Variants in PDE4D observed in about 807,000 individuals in gnomAD.
PDE4D encodes the protein phosphodiesterase 4D.
Under a neutral mutation model 87.4 loss-of-function variants are expected in PDE4D, and 24 were observed. The observed-to-expected ratio is 0.27, with a 90% CI of 0.20 to 0.39. The LOEUF (loss-of-function observed/expected upper bound fraction) is 0.39. Ranked by LOEUF, PDE4D falls within the 10% of genes least tolerant of loss-of-function variation. The probability of loss-of-function intolerance (pLI) is 1.00; values close to 1 mark genes in which losing one functional copy is unlikely to be tolerated. For synonymous variants in PDE4D, 384 were observed against 383.2 expected, an observed-to-expected ratio of 1.00 and a Z score of -0.02; for missense variants, 714 against 1,041.0, an observed-to-expected ratio of 0.69 and a Z score of 4.32.
chr5:59,467,202 G>A (rs572651138), intron 1 of PDE4D, among the ~76,000 whole-genome samples: 3 of 152,114 alleles, frequency 2.0e-5, no homozygotes, highest in Non-Finnish European at 4.4e-5. Flanking sequence ...TACTATTTAC[G>A]CTTGCAGTCT....
intron 1 of PDE4D, among the ~76,000 whole-genome samples, chr5:59,816,975 A>G (rs1304125699): frequency 6.6e-6 from 1 of 152,170 alleles, no homozygotes; most frequent in East Asian, 1.9e-4. Flanking sequence ...GCCAGCATTG[A>G]TTCGTGGAGG....
At chr5:59,166,032 GC>G (rs1477383195) in intron 5 of PDE4D, among the ~76,000 whole-genome samples, 1 of 151,956 alleles carries the variant, frequency 6.6e-6, no homozygotes, top group Non-Finnish European at 1.5e-5. Context: ...ACCACCTGTC[GC>G]CCCACTAATT....
At chr5:60,266,451 G>A (rs1366962469) in intron 1 of PDE4D, among the ~76,000 whole-genome samples, 1 of 152,126 alleles carries the variant, frequency 6.6e-6, no homozygotes, top group Non-Finnish European at 1.5e-5. Context: ...AGTGCTGGTG[G>A]GCATCTTTCT....
intron 1 of PDE4D, among the ~76,000 whole-genome samples, chr5:59,856,802 G>T (rs550275725): frequency 6.6e-6 from 1 of 152,230 alleles, no homozygotes; most frequent in South Asian, 2.1e-4. Context: ...TACTGAAATT[G>T]CATTTTTTCA....
chr5:59,739,501 AG>A (rs2150661240), intron 1 of PDE4D, among the ~76,000 whole-genome samples: 1 of 152,338 alleles, frequency 6.6e-6, no homozygotes, highest in South Asian at 2.1e-4. Flanking sequence ...AATTCACAAT[AG>A]AAAATTCTTT....
intron 1 of PDE4D, among the ~76,000 whole-genome samples, chr5:60,475,153 T>G (rs1156863402): frequency 2.0e-5 from 3 of 152,188 alleles, no homozygotes; most frequent in African/African-American, 7.2e-5. Context: ...CCTAATGTTA[T>G]GCTCCCTAAG....
At chr5:59,651,879 C>T (rs571118380) in intron 1 of PDE4D, among the ~76,000 whole-genome samples, 1 of 152,300 alleles carries the variant, frequency 6.6e-6, no homozygotes, top group East Asian at 1.9e-4. Context: ...ATGAAAGACT[C>T]ATTTTCCTAG....
At chr5:59,866,549 T>C (rs159626) in intron 1 of PDE4D, among the ~76,000 whole-genome samples, 58,845 of 152,098 alleles carry the variant, frequency 0.39, 14,564 homozygotes, top group African/African-American at 0.7. Context: ...TCCGGAAGGC[T>C]GGGGCAGGAG....
At chr5:60,066,068 C>A (rs1393076551) in intron 2 of PDE4D, among the ~76,000 whole-genome samples, 1 of 152,142 alleles carries the variant, frequency 6.6e-6, no homozygotes, top group African/African-American at 2.4e-5. Context: ...AAAAGTGTTC[C>A]TATTTCTCCA....
chr5:59,967,567 G>A (rs138649162), intron 3 of PDE4D, among the ~76,000 whole-genome samples: 8 of 152,238 alleles, frequency 5.3e-5, no homozygotes, highest in Non-Finnish European at 7.4e-5. Context: ...TCTCACACCA[G>A]TCAGGATGGC....
chr5:59,412,242 A>AT (rs1330392575), intron 1 of PDE4D, among the ~76,000 whole-genome samples: 2 of 152,000 alleles, frequency 1.3e-5, no homozygotes, highest in African/African-American at 4.8e-5. Flanking sequence ...TTGTACTTTT[A>AT]TTTTTTTTAA....
rs1561188194 is a variant in PDE4D at position 58,970,042 on chromosome 5, CT to C, written c.*4621del. ...TGAACTATAATTTAAAATGAATAAT[CT>C]TTTATTTGTAAAAGATTGAGTCATA... On this transcript the variant is annotated 3_prime_UTR_variant, in exon 15 of 15. Coordinates refer to ENST00000340635, the MANE Select transcript of PDE4D (RefSeq NM_001104631.2). The C allele has an allele frequency of 6.6e-6, 1 of 152,076 alleles. No homozygotes were observed. Among genetic ancestry groups the C allele is most frequent in the African/African-American group, 2.4e-5 (1 of 41,420 alleles). 9.4% of individuals were successfully genotyped at this position (152,076 alleles called of 1,614,324 possible).
At chr5:59,448,033 T>C (rs1254905656) in intron 1 of PDE4D, among the ~76,000 whole-genome samples, 1 of 152,136 alleles carries the variant, frequency 6.6e-6, no homozygotes, top group East Asian at 1.9e-4. Flanking sequence ...TCAGGGTGGT[T>C]TGTAACCTCA....
At chr5:59,968,162 T>C (rs1199532607) in intron 3 of PDE4D, among the ~76,000 whole-genome samples, 1 of 151,912 alleles carries the variant, frequency 6.6e-6, no homozygotes, top group Non-Finnish European at 1.5e-5. Context: ...TTTTGTAGTT[T>C]TAGTAGAGAC....
chr5:60,511,800 T>A (rs1750587991), intron 1 of PDE4D, among the ~76,000 whole-genome samples: 1 of 151,926 alleles, frequency 6.6e-6, no homozygotes, highest in Admixed American at 6.5e-5. Flanking sequence ...ACAGAAAAAA[T>A]ATTTTAAAAT....
chr5:59,075,681 T>C (rs1765569933), intron 5 of PDE4D, among the ~76,000 whole-genome samples: 1 of 152,158 alleles, frequency 6.6e-6, no homozygotes, highest in African/African-American at 2.4e-5. Flanking sequence ...TTTCAAAAGC[T>C]ATTATTACTT....
chr5:59,071,116 C>T (rs1306299100), intron 5 of PDE4D, among the ~76,000 whole-genome samples: 1 of 152,152 alleles, frequency 6.6e-6, no homozygotes, highest in Non-Finnish European at 1.5e-5. Context: ...GAATCACTTT[C>T]CTTCGGAATT....
At chr5:60,263,200 T>C (rs1014213350) in intron 1 of PDE4D, among the ~76,000 whole-genome samples, 2 of 152,206 alleles carry the variant, frequency 1.3e-5, no homozygotes, top group Admixed American at 6.5e-5. Context: ...GAGAGAGTTC[T>C]GCTAAGGGCT....
intron 3 of PDE4D, among the ~76,000 whole-genome samples, chr5:59,923,845 T>C (rs1236588833): frequency 6.6e-6 from 1 of 152,132 alleles, no homozygotes; most frequent in African/African-American, 2.4e-5. Flanking sequence ...CGCACAAGCA[T>C]CAAGACCACC....
Sources: gnomAD v4.1 joint callset for allele counts (sites outside exome capture counted in the v4.1 genomes callset) on GRCh38, gnomAD v4.1.1 for gene constraint, MANE v1.5 for transcripts, NCBI Gene and HGNC (gene_info 2026-07-23, HGNC 2026-07-21) for gene names.